Variants in THSD7B observed in about 807,000 individuals in gnomAD.
THSD7B encodes thrombospondin type 1 domain containing 7B, also known as thrombospondin type-1 domain-containing protein 7B.
Under a neutral mutation model 213.6 loss-of-function variants are expected in THSD7B, and 138 were observed. That is an observed-to-expected ratio of 0.65 (90% confidence interval 0.56 to 0.74). The LOEUF (loss-of-function observed/expected upper bound fraction) is 0.74, where lower values mean the gene tolerates loss of function less well. Among genes scored for constraint, THSD7B ranks in the 30% least tolerant of loss-of-function variants. The pLI is 0.00. For synonymous variants in THSD7B, 742 were observed against 687.0 expected, an observed-to-expected ratio of 1.08 and a Z score of -1.25; for missense variants, 1,931 against 1,991.5, an observed-to-expected ratio of 0.97 and a Z score of 0.58.
intron 12 of THSD7B, among the ~76,000 whole-genome samples, chr2:137,357,335 T>C (rs1685156036): frequency 6.6e-6 from 1 of 152,212 alleles, no homozygotes; most frequent in South Asian, 2.1e-4. Flanking sequence ...TATGGGGGTC[T>C]TAGGTTTATA....
At chr2:137,561,513 A>G (rs187868390) in intron 15 of THSD7B, among the ~76,000 whole-genome samples, 1 of 152,262 alleles carries the variant, frequency 6.6e-6, no homozygotes, top group Admixed American at 6.5e-5. Flanking sequence ...CTTCTATCTC[A>G]GGGAAAATCC....
Position 136,971,991 on chromosome 2 carries a change from A to G in THSD7B, c.140-84429A>G, listed in dbSNP as rs543281325. ...TGCATTCAATTATGATAAAGTCCAG[A>G]CACAGAAAGCAAATGTACTCTTCTG... is the stretch of plus-strand genomic sequence containing the variant. On this transcript the variant is annotated intron_variant, in intron 2 of 27. Coordinates refer to ENST00000409968, the MANE Select transcript of THSD7B (RefSeq NM_001316349.2). Among the ~76,000 whole-genome samples, 3 of 152,256 alleles carry G rather than the reference A, an allele frequency of 2.0e-5. No individual in the cohort carries two copies. The South Asian group carries it at 6.2e-4, about 32-fold the overall frequency.
intron 15 of THSD7B, among the ~76,000 whole-genome samples, chr2:137,454,689 GGCAATTCTTT>G (rs1687728890): frequency 6.6e-6 from 1 of 151,984 alleles, no homozygotes; most frequent in African/African-American, 2.4e-5. Flanking sequence ...TATTATTTAT[GGCAATTCTTT>G]AGAGGAGGCC....
chr2:137,335,333 T>C (rs746205188), intron 12 of THSD7B, among the ~76,000 whole-genome samples: 1 of 152,178 alleles, frequency 6.6e-6, no homozygotes, highest in Non-Finnish European at 1.5e-5. Flanking sequence ...TAGTTATAAG[T>C]GGCCAAGGAA....
At chr2:137,307,867 C>T (rs1683794346) in intron 12 of THSD7B, among the ~76,000 whole-genome samples, 1 of 152,024 alleles carries the variant, frequency 6.6e-6, no homozygotes, top group African/African-American at 2.4e-5. Flanking sequence ...TGACCAGGAG[C>T]GGTGACCCTC....
At chr2:137,031,875 T>C (rs1403146725) in intron 2 of THSD7B, among the ~76,000 whole-genome samples, 1 of 148,106 alleles carries the variant, frequency 6.8e-6, no homozygotes, top group African/African-American at 2.5e-5. Flanking sequence ...AAGGTTTTGC[T>C]CTGTCACCCA....
At chr2:137,287,089 T>G (rs781728569) in intron 12 of THSD7B, among the ~76,000 whole-genome samples, 1 of 152,166 alleles carries the variant, frequency 6.6e-6, no homozygotes, top group African/African-American at 2.4e-5. Context: ...TATTTTTGTA[T>G]TATTTATTAT....
intron 7 of THSD7B, among the ~76,000 whole-genome samples, chr2:137,217,578 A>G (rs1203254454): frequency 1.3e-5 from 2 of 152,146 alleles, no homozygotes; most frequent in Non-Finnish European, 1.5e-5. Context: ...CTGCTTGTAA[A>G]TTAGTGCCTT....
At chr2:137,323,203 G>A (rs1359286804) in intron 12 of THSD7B, among the ~76,000 whole-genome samples, 1 of 152,192 alleles carries the variant, frequency 6.6e-6, no homozygotes, top group Non-Finnish European at 1.5e-5. Flanking sequence ...CTACAAAATG[G>A]AAGAGTATAA....
At chr2:137,384,078 G>C (rs1294131018) in intron 12 of THSD7B, among the ~76,000 whole-genome samples, 1 of 152,140 alleles carries the variant, frequency 6.6e-6, no homozygotes, top group Non-Finnish European at 1.5e-5. Flanking sequence ...CAAGTCCTTT[G>C]GCACCTGATA....
At chr2:137,555,402 C>A (rs1680938715) in intron 15 of THSD7B, among the ~76,000 whole-genome samples, 1 of 152,216 alleles carries the variant, frequency 6.6e-6, no homozygotes, top group Non-Finnish European at 1.5e-5. Context: ...CGCTGTTCTG[C>A]AGCATCTGCT....
At chr2:137,626,013 A>G (rs1322267310) in intron 20 of THSD7B, among the ~76,000 whole-genome samples, 1 of 152,176 alleles carries the variant, frequency 6.6e-6, no homozygotes, top group African/African-American at 2.4e-5. Flanking sequence ...GGGCAGATTG[A>G]GCCATGGCTG....
intron 1 of THSD7B, among the ~76,000 whole-genome samples, chr2:136,796,107 A>G (rs190222694): frequency 2.8e-5 from 4 of 145,108 alleles, no homozygotes; most frequent in African/African-American, 7.5e-5. Context: ...CTGCTTTTTG[A>G]TTTTTTTTTT....
chr2:136,998,914 AC>A (rs746287789), intron 2 of THSD7B, among the ~76,000 whole-genome samples: 13,652 of 56,666 alleles, frequency 0.24, 996 homozygotes, highest in East Asian at 0.47. Flanking sequence ...CAACAGACAC[AC>A]ACACACACAC....
chr2:137,550,942 A>G (rs1250519683), intron 15 of THSD7B, among the ~76,000 whole-genome samples: 1 of 152,052 alleles, frequency 6.6e-6, no homozygotes, highest in Non-Finnish European at 1.5e-5. Flanking sequence ...CTGAGTTATG[A>G]GTTTACCTAT....
At chr2:137,288,704 T>A (rs1436217932) in intron 12 of THSD7B, among the ~76,000 whole-genome samples, 11 of 151,874 alleles carry the variant, frequency 7.2e-5, no homozygotes. Context: ...AAAGTTCACA[T>A]CAATAATTGA....
chr2:137,336,443 G>A (rs1395432019), intron 12 of THSD7B, among the ~76,000 whole-genome samples: 2 of 152,174 alleles, frequency 1.3e-5, no homozygotes, highest in African/African-American at 4.8e-5. Context: ...CAGTGTGGCA[G>A]CCAAAGATCT....
chr2:137,448,800 AAACAACAACAACAAC>A (rs147631065), intron 14 of THSD7B, among the ~76,000 whole-genome samples: 10 of 144,992 alleles, frequency 6.9e-5, no homozygotes, highest in African/African-American at 1.6e-4. Flanking sequence ...CTCCATCTCA[AAACAACAACAACAAC>A]AACAACAACA....
At chr2:137,335,420 A>G (rs1684616577) in intron 12 of THSD7B, among the ~76,000 whole-genome samples, 2 of 152,178 alleles carry the variant, frequency 1.3e-5, no homozygotes, top group South Asian at 2.1e-4. Context: ...ACAACACAGA[A>G]CAGATTATCA....
Sources: allele counts gnomAD v4.1 joint callset (sites outside exome capture counted in the v4.1 genomes callset), GRCh38; gene constraint gnomAD v4.1.1; transcripts MANE v1.5; gene names NCBI Gene and HGNC (gene_info 2026-07-23, HGNC 2026-07-21).